Variants in CARM1 observed in about 807,000 individuals in gnomAD.
CARM1 encodes the protein coactivator associated arginine methyltransferase 1, also known as histone-arginine methyltransferase CARM1.
Under a neutral mutation model 72.7 loss-of-function variants are expected in CARM1, and 14 were observed. The ratio of observed to expected loss-of-function variants is 0.19; its 90% confidence interval spans 0.13 to 0.30. The LOEUF is 0.30. Among genes scored for constraint, CARM1 ranks in the 10% least tolerant of loss-of-function variants. The probability of loss-of-function intolerance (pLI) is 1.00; values close to 1 mark genes in which losing one functional copy is unlikely to be tolerated. For missense variants in CARM1, 432 were observed against 833.7 expected (o/e 0.52, Z 5.93); for synonymous variants, 333 against 345.5 (o/e 0.96, Z 0.40).
At position 10,900,845 on chromosome 19, in the gene CARM1, G is replaced by C. The variant is rs547888295; in HGVS notation, c.221-4106G>C. On this transcript the variant is annotated intron_variant, in intron 1 of 15. Coordinates refer to ENST00000327064, the MANE Select transcript of CARM1 (RefSeq NM_199141.2). The stretch of plus-strand genomic sequence containing the variant: ...ACTACAGGCACCCGTCACCACACCC[G>C]GCTAATTTTTTGTATTTTTAGTAGA... 8.6e-5 allele frequency among the ~76,000 whole-genome samples: 13 copies of C among 151,990 alleles called. No homozygotes were observed. In the South Asian group the frequency reaches 1.9e-3, roughly 22 times the overall value.
intron 10 of CARM1, 27 bp downstream of exon 10, chr19:10,919,993 G>C: frequency 6.3e-7 from 1 of 1,580,792 alleles, no homozygotes; most frequent in Non-Finnish European, 8.7e-7. Context: ...AGCCCATGCT[G>C]CCTCCTCCCC....
Position 10,916,659 on chromosome 19 carries a change from GC to G in CARM1, c.939-34del. On this transcript the variant is annotated intron_variant, in intron 7 of 15. Transcript: ENST00000327064. This position sits in a 1 kb window ranked among gnomAD's most constrained non-coding sequence, Gnocchi z 4.4. ...GGCTACCCCACCTGCCTCTTCTGCA[GC>G]CCTGACCTTGCTGTGGGGGTGGGGC... is the stretch of plus-strand genomic sequence containing the variant. 1 of 1,547,508 alleles carries G rather than the reference GC, an allele frequency of 6.5e-7. No homozygotes were observed. Among genetic ancestry groups the G allele is most frequent in the Middle Eastern group, 2.0e-4 (1 of 4,918 alleles).
intron 4 of CARM1, among the ~76,000 whole-genome samples, chr19:10,910,676 CTG>C (rs2074142380): frequency 1.3e-5 from 2 of 149,466 alleles, no homozygotes; most frequent in Non-Finnish European, 3.0e-5. Flanking sequence ...AGCAATTCTC[CTG>C]CCTCAGCCTC....
At chr19:10,887,346 G>A (rs1321029511) in intron 1 of CARM1, among the ~76,000 whole-genome samples, 1 of 152,216 alleles carries the variant, frequency 6.6e-6, no homozygotes, top group South Asian at 2.1e-4. Flanking sequence ...CCGTGTGCCT[G>A]ATTTCTTTGT....
chr19:10,877,669 G>A (rs543523222), intron 1 of CARM1, among the ~76,000 whole-genome samples: 23 of 152,054 alleles, frequency 1.5e-4, no homozygotes, highest in Non-Finnish European at 2.4e-4. Flanking sequence ...TAATCTGCCT[G>A]CCTCAGCCTC....
At chr19:10,905,872 C>T (rs914542638) in intron 2 of CARM1, among the ~76,000 whole-genome samples, 14 of 151,598 alleles carry the variant, frequency 9.2e-5, no homozygotes, top group Admixed American at 2.6e-4. Flanking sequence ...AACTCCTGGC[C>T]TCAAGTGAGC....
rs2073813319 is a variant in CARM1, at chr19:10,871,589, A to AGCGGCGGCGGCGGCAGCG, written c.-100_-99insAGCGGCGGCGGCGGCGGC. The AGCGGCGGCGGCGGCAGCG allele has an allele frequency of 6.0e-5, 7 of 117,086 alleles. No homozygotes were observed. The highest frequency in any genetic ancestry group is 2.3e-4 in the African/African-American group (7 of 29,924). 7.3% of individuals were successfully genotyped at this position (117,086 alleles called of 1,614,324 possible). ...CGGCGGCTGCGGCGGCGGTAGCGGC[A>AGCGGCGGCGGCGGCAGCG]GCGGCGGCGGCGGCGGCGGCGGCGG... On this transcript the variant is annotated 5_prime_UTR_variant, in exon 1 of 16. Coordinates refer to ENST00000327064, the MANE Select transcript of CARM1 (RefSeq NM_199141.2). The surrounding 1 kb of genome is among the most constrained non-coding windows in gnomAD (Gnocchi z 5.6).
At position 10,921,450 on chromosome 19, in the gene CARM1, A is replaced by G. The variant is rs1013866039; in HGVS notation, c.1684+7A>G. On this transcript the variant is annotated splice_region_variant and intron_variant, in intron 15 of 15. Coordinates refer to ENST00000327064, the MANE Select transcript of CARM1 (RefSeq NM_199141.2). The stretch of plus-strand genomic sequence containing the variant: ...AGCACGGGGATTGTCCAAGGTAACG[A>G]GGGTGGCGGGGGCAGGGCCCGTGGG... 1.9e-6 allele frequency: 3 copies of G among 1,599,546 alleles called. No individual in the cohort carries two copies. The highest frequency in any genetic ancestry group is 3.5e-5 in the Admixed American group (2 of 56,638).
At chr19:10,881,690 C>T (rs1568345893) in intron 1 of CARM1, among the ~76,000 whole-genome samples, 2 of 151,954 alleles carry the variant, frequency 1.3e-5, no homozygotes, top group South Asian at 2.1e-4. Context: ...GCAGGGGGGA[C>T]GGTGACCTTT....
intron 1 of CARM1, among the ~76,000 whole-genome samples, chr19:10,902,798 CG>C (rs1181174901): frequency 6.6e-6 from 1 of 151,838 alleles, no homozygotes; most frequent in Non-Finnish European, 1.5e-5. Context: ...TTAGTAGAGA[CG>C]GGATTTCACC....
chr19:10,898,819 G>T (rs2074042758), intron 1 of CARM1, among the ~76,000 whole-genome samples: 1 of 152,188 alleles, frequency 6.6e-6, no homozygotes, highest in Non-Finnish European at 1.5e-5. Flanking sequence ...GGTGTGCGAT[G>T]GCCCACTGGA....
chr19:10,919,494 A>G, intron 8 of CARM1, 101 bp from the exon 9 acceptor site: 2 of 827,460 alleles, frequency 2.4e-6, no homozygotes, highest in Non-Finnish European at 3.9e-6. Flanking sequence ...TTAGCTGCAC[A>G]GCCTAGAAGC....
chr19:10,889,914 T>C (rs960857597), intron 1 of CARM1, among the ~76,000 whole-genome samples: 6 of 152,192 alleles, frequency 3.9e-5, no homozygotes, highest in Non-Finnish European at 8.8e-5. Context: ...AACAGCTTTA[T>C]ACTAACTCTG....
At chr19:10,889,083 A>G (rs1207465058) in intron 1 of CARM1, among the ~76,000 whole-genome samples, 1 of 152,176 alleles carries the variant, frequency 6.6e-6, no homozygotes, top group Non-Finnish European at 1.5e-5. Flanking sequence ...GGCTTTCTCC[A>G]GAGCCCACCT....
intron 1 of CARM1, among the ~76,000 whole-genome samples, chr19:10,882,282 T>C: frequency 6.6e-6 from 1 of 152,026 alleles, no homozygotes; most frequent in Non-Finnish European, 1.5e-5. Context: ...GTGGGGGGGA[T>C]GGGGAGGCAA....
chr19:10,880,994 C>A (rs922665697), intron 1 of CARM1, among the ~76,000 whole-genome samples: 14 of 152,170 alleles, frequency 9.2e-5, no homozygotes, highest in Non-Finnish European at 1.6e-4. Context: ...GAAACTGTAT[C>A]TCTTAAAAAA....
intron 3 of CARM1, among the ~76,000 whole-genome samples, 180 bp downstream of exon 3, chr19:10,908,325 T>C (rs1035623619): frequency 6.6e-6 from 1 of 152,218 alleles, no homozygotes; most frequent in Non-Finnish European, 1.5e-5. Flanking sequence ...TTTCCTCATC[T>C]GTGAAGCGGA....
At chr19:10,899,160 T>C (rs911129745) in intron 1 of CARM1, among the ~76,000 whole-genome samples, 1 of 151,938 alleles carries the variant, frequency 6.6e-6, no homozygotes, top group African/African-American at 2.4e-5. Flanking sequence ...CAGCTGCTGC[T>C]GTGATGAAGC....
In CARM1 at chr19:10,885,893, T is replaced by C. The variant is rs1463774300; in HGVS notation, c.220+13971T>C. On this transcript the variant is annotated intron_variant, in intron 1 of 15. Transcript: ENST00000327064. ...CAGCCACAGCTCACTCCCTCATTTT[T>C]TTTTTTTTTTTTTTTTTTTTTGAGA... Among the ~76,000 whole-genome samples the C allele has an allele frequency of 0.026, 3,688 of 139,738 alleles. 565 individuals are homozygous for C. In the East Asian group the frequency reaches 0.3, roughly 12 times the overall value. The allele number at this position is 139,738 out of a possible 152,430, so 91.7% of individuals were successfully genotyped here. A position where few individuals can be genotyped will look rare whatever the true frequency, so the allele number is the denominator to read the frequency against.
Sources: gnomAD v4.1 joint callset for allele counts (sites outside exome capture counted in the v4.1 genomes callset) on GRCh38, gnomAD v4.1.1 for gene constraint, Gnocchi (gnomAD v3.1) non-coding constraint, MANE v1.5 for transcripts, NCBI Gene and HGNC (gene_info 2026-07-23, HGNC 2026-07-21) for gene names.